The following STEAP3 variants were observed in gnomAD, a reference collection of about 807,000 sequenced individuals.
The protein encoded by STEAP3 is STEAP3 metalloreductase.
A neutral mutation model predicts 34.9 loss-of-function variants in STEAP3; 35 were observed. The ratio of observed to expected loss-of-function variants is 1.00; its 90% CI spans 0.76 to 1.33. The LOEUF is 1.33. Ranked by LOEUF, STEAP3 falls within the 40% of genes most tolerant of loss-of-function variation. The pLI is 0.00. For synonymous variants in STEAP3, 281 were observed against 301.6 expected (o/e 0.93, Z 0.71); for missense variants, 652 against 667.6 (o/e 0.98, Z 0.26).
chr2:119,245,279 C>T, intron 2 of STEAP3: 1 of 610,646 alleles, frequency 1.6e-6, no homozygotes, highest in Non-Finnish European at 2.7e-6. Flanking sequence ...CAGAAGTCAT[C>T]CCTGCTCTTC....
At chr2:119,237,249 C>A (rs1351142684) in intron 2 of STEAP3, among the ~76,000 whole-genome samples, 2 of 152,146 alleles carry the variant, frequency 1.3e-5, no homozygotes, top group African/African-American at 4.8e-5. Flanking sequence ...GATTCATATC[C>A]CACCTGACCA....
intron 5 of STEAP3, among the ~76,000 whole-genome samples, chr2:119,255,352 AC>A (rs1677744815): frequency 6.6e-6 from 1 of 151,868 alleles, no homozygotes; most frequent in Non-Finnish European, 1.5e-5. Context: ...AAGCATTAGG[AC>A]CCCAGTTTAT....
In STEAP3 at chr2:119,263,221, C is replaced by T; in HGVS notation, c.1380C>T (p.Leu460=). ...TCATCCTGGCCAAAGCCCTGTTTCT[C>T]CTGCCCTGCATCAGCCGCAGACTCG... is the stretch of plus-strand genomic sequence containing the variant. ...CVVILAKALF[L]LPCISRRLAR... The change falls in exon 6 of 6, where the codon CTC becomes CTT. Residue 460 remains leucine, a synonymous_variant. Coordinates refer to ENST00000393110, the MANE Select transcript of STEAP3 (RefSeq NM_182915.3). 1.2e-6 allele frequency: 2 copies of T among 1,614,166 alleles called. No individual in the cohort carries two copies. The highest frequency in any genetic ancestry group is 1.7e-6 in the Non-Finnish European group (2 of 1,180,030).
chr2:119,234,645 G>A (rs1008578134), intron 2 of STEAP3, among the ~76,000 whole-genome samples: 1 of 152,192 alleles, frequency 6.6e-6, no homozygotes, highest in African/African-American at 2.4e-5. Flanking sequence ...AGGTACTCTG[G>A]GAATAACAAA....
chr2:119,238,999 T>C (rs1471791732), intron 2 of STEAP3, among the ~76,000 whole-genome samples: 2 of 151,944 alleles, frequency 1.3e-5, no homozygotes, highest in Admixed American at 1.3e-4. Flanking sequence ...AACGAGCACA[T>C]GAGAAAAAGA....
At chr2:119,227,175 G>T (rs1278218713) in intron 1 of STEAP3, among the ~76,000 whole-genome samples, 1 of 151,248 alleles carries the variant, frequency 6.6e-6, no homozygotes, top group Non-Finnish European at 1.5e-5. Flanking sequence ...TAAGGCTCAG[G>T]ACCTATAGCT....
intron 5 of STEAP3, among the ~76,000 whole-genome samples, chr2:119,256,128 G>T (rs905091795): frequency 6.6e-6 from 1 of 152,216 alleles, no homozygotes; most frequent in South Asian, 2.1e-4. Flanking sequence ...CAGGGAGGAC[G>T]TGGTACAGGA....
In STEAP3 at chr2:119,263,134, G is replaced by C; in HGVS notation, c.1293G>C (p.Glu431Asp). ...ACGGCTGGACCCGCGCCTTCGAGGA[G>C]AGCCGCTACAAGTTCTACCTGCCTC... ...LTYGWTRAFE[E>D]SRYKFYLPPT... The change falls in exon 6 of 6, where the codon GAG becomes GAC. Residue 431 changes from glutamate (E) to aspartate (D), a missense_variant. Coordinates refer to ENST00000393110, the MANE Select transcript of STEAP3 (RefSeq NM_182915.3). 2 of 1,613,796 alleles carry C rather than the reference G, an allele frequency of 1.2e-6. No homozygotes were observed. The highest frequency in any genetic ancestry group is 1.7e-6 in the Non-Finnish European group (2 of 1,180,032).
intron 4 of STEAP3, among the ~76,000 whole-genome samples, chr2:119,249,819 AGACAAAGGAAGAACCCCAGACTTC>A (rs1265713959): frequency 6.6e-6 from 1 of 152,220 alleles, no homozygotes; most frequent in Non-Finnish European, 1.5e-5. Flanking sequence ...GAATTTCCTA[AGACAAAGGAAGAACCCCAGACTTC>A]AGGCAGAAAA....
At chr2:119,256,408 C>A (rs1046454378) in intron 5 of STEAP3, among the ~76,000 whole-genome samples, 2 of 152,192 alleles carry the variant, frequency 1.3e-5, no homozygotes, top group African/African-American at 4.8e-5. Context: ...GGATTTTCCT[C>A]TTCCCACCTG....
chr2:119,239,990 GT>G (rs1234733181), intron 2 of STEAP3, among the ~76,000 whole-genome samples: 6 of 152,142 alleles, frequency 3.9e-5, no homozygotes, highest in African/African-American at 1.2e-4. Flanking sequence ...ATAGGAACAT[GT>G]GCCCCTAAAT....
chr2:119,228,859 ACC>A (rs1413701479), intron 1 of STEAP3, among the ~76,000 whole-genome samples: 1 of 151,824 alleles, frequency 6.6e-6, no homozygotes, highest in Non-Finnish European at 1.5e-5. Flanking sequence ...CTCAGTGAGA[ACC>A]CCAGGGGGCA....
Position 119,230,975 on chromosome 2 carries a change from C to A in STEAP3, c.-38C>A. ...GTGGCTCACCTCACGGTGAGGCTGTCGAGTGACCTGAGAGCCTCAGACCCT... is the reference window on the plus strand; with the variant it reads ...GTGGCTCACCTCACGGTGAGGCTGTAGAGTGACCTGAGAGCCTCAGACCCT... On this transcript the variant is annotated 5_prime_UTR_variant, in exon 2 of 6. Transcript: ENST00000393110. The A allele has an allele frequency of 6.2e-7, 1 of 1,614,152 alleles. No homozygotes were observed. Among genetic ancestry groups the A allele is most frequent in the African/African-American group, 1.3e-5 (1 of 75,060 alleles).
chr2:119,224,615 C>T (rs990549080), intron 1 of STEAP3, among the ~76,000 whole-genome samples: 3 of 152,158 alleles, frequency 2.0e-5, no homozygotes, highest in Admixed American at 1.3e-4. Flanking sequence ...ACCAGAAAGC[C>T]GGATCCGTGG....
intron 4 of STEAP3, among the ~76,000 whole-genome samples, chr2:119,250,116 A>G (rs1677577380): frequency 6.6e-6 from 1 of 152,236 alleles, no homozygotes; most frequent in Non-Finnish European, 1.5e-5. Flanking sequence ...GCTATTTTCC[A>G]GATCCATGCT....
intron 5 of STEAP3, among the ~76,000 whole-genome samples, chr2:119,262,570 G>T (rs1241413342): frequency 5.9e-5 from 9 of 152,076 alleles, no homozygotes; most frequent in Admixed American, 5.9e-4. Flanking sequence ...TAGAAACAGG[G>T]TCTCACTATG....
intron 2 of STEAP3, among the ~76,000 whole-genome samples, chr2:119,238,827 C>A (rs1380331715): frequency 1.3e-5 from 2 of 152,106 alleles, no homozygotes; most frequent in Non-Finnish European, 2.9e-5. Context: ...GATTTCTGCC[C>A]CCAGAGGCTA....
At chr2:119,232,861 T>C (rs1307404604) in intron 2 of STEAP3, among the ~76,000 whole-genome samples, 1 of 152,202 alleles carries the variant, frequency 6.6e-6, no homozygotes, top group Non-Finnish European at 1.5e-5. Context: ...TGCATCCTGT[T>C]ACCTGTGCTG....
intron 5 of STEAP3, among the ~76,000 whole-genome samples, chr2:119,260,104 G>A (rs556144686): frequency 2.6e-5 from 4 of 152,232 alleles, no homozygotes; most frequent in South Asian, 2.1e-4. Flanking sequence ...CAAGCTCCCC[G>A]GGTGATTCTA....
Sources: gnomAD v4.1 joint callset for allele counts (sites outside exome capture counted in the v4.1 genomes callset) on GRCh38, gnomAD v4.1.1 for gene constraint, MANE v1.5 for transcripts, NCBI Gene and HGNC (gene_info 2026-07-23, HGNC 2026-07-21) for gene names.